MAGI3: variants seen among roughly 807,000 people sequenced by gnomAD.
The protein encoded by MAGI3 is membrane associated guanylate kinase, WW and PDZ domain containing 3.
MAGI3 carries 43 observed loss-of-function variants against 121.8 expected under a neutral mutation model. The ratio of observed to expected loss-of-function variants is 0.35; its 90% CI spans 0.28 to 0.46. The LOEUF (loss-of-function observed/expected upper bound fraction) is 0.46. MAGI3 is among the 20% of genes least tolerant of loss of function. MAGI3 has a pLI of 1.00. For missense variants in MAGI3, 1,547 were observed against 1,797.3 expected, an observed-to-expected ratio of 0.86 and a Z score of 2.52; for synonymous variants, 553 against 639.3, an observed-to-expected ratio of 0.86 and a Z score of 2.04.
chr1:113,528,887 G>C (rs1444780695), intron 1 of MAGI3, among the ~76,000 whole-genome samples: 1 of 152,184 alleles, frequency 6.6e-6, no homozygotes, highest in Non-Finnish European at 1.5e-5. Context: ...CAATAAGAAT[G>C]TAAGTCAGAA....
intron 1 of MAGI3, among the ~76,000 whole-genome samples, chr1:113,440,590 A>C (rs955498728): frequency 3.3e-5 from 5 of 152,200 alleles, no homozygotes; most frequent in Admixed American, 2.6e-4. Flanking sequence ...TCTTGCCATT[A>C]TCTAAGCTGT....
At chr1:113,416,872 G>A (rs2101365876) in intron 1 of MAGI3, among the ~76,000 whole-genome samples, 1 of 151,968 alleles carries the variant, frequency 6.6e-6, no homozygotes, top group South Asian at 2.1e-4. Flanking sequence ...TATTTATTAA[G>A]AAAGTATTTG....
At chr1:113,407,232 C>T (rs1651728704) in intron 1 of MAGI3, among the ~76,000 whole-genome samples, 1 of 152,062 alleles carries the variant, frequency 6.6e-6, no homozygotes. Flanking sequence ...AAGGGAAACC[C>T]TTTAGTTTGG....
intron 1 of MAGI3, among the ~76,000 whole-genome samples, chr1:113,407,024 A>G (rs1365576162): frequency 6.6e-6 from 1 of 152,182 alleles, no homozygotes; most frequent in East Asian, 1.9e-4. Flanking sequence ...TATGGCTGGC[A>G]CCAACTAAAT....
chr1:113,635,337 A>G (rs1651933466), intron 9 of MAGI3, among the ~76,000 whole-genome samples: 1 of 152,180 alleles, frequency 6.6e-6, no homozygotes, highest in African/African-American at 2.4e-5. Context: ...GTTTTTGCCC[A>G]TTCAGTATGA....
At chr1:113,626,184 C>T (rs553781764) in intron 9 of MAGI3, among the ~76,000 whole-genome samples, 36 of 152,054 alleles carry the variant, frequency 2.4e-4, no homozygotes, top group Non-Finnish European at 4.9e-4. Context: ...AGGCTGGTCT[C>T]GAATTCTTGA....
intron 2 of MAGI3, among the ~76,000 whole-genome samples, chr1:113,567,588 C>T (rs563186358): frequency 2.0e-5 from 3 of 152,154 alleles, no homozygotes; most frequent in Non-Finnish European, 4.4e-5. Flanking sequence ...AAATTTATGC[C>T]TGGAATGCAA....
intron 6 of MAGI3, among the ~76,000 whole-genome samples, chr1:113,609,165 C>G (rs554239250): frequency 6.6e-6 from 1 of 152,270 alleles, no homozygotes; most frequent in African/African-American, 2.4e-5. Context: ...TGTCTCCCCA[C>G]GTAATAGCCC....
chr1:113,629,729 C>CCT (rs374062732), intron 9 of MAGI3, among the ~76,000 whole-genome samples: 26 of 112,014 alleles, frequency 2.3e-4, no homozygotes, highest in African/African-American at 8.8e-4. Flanking sequence ...AGTCAGTCTC[C>CCT]CTCTCTCTCT....
chr1:113,522,511 G>T (rs1658248399), intron 1 of MAGI3, among the ~76,000 whole-genome samples: 1 of 152,126 alleles, frequency 6.6e-6, no homozygotes, highest in Non-Finnish European at 1.5e-5. Context: ...GTGACTTTGG[G>T]TAAGTTACTT....
chr1:113,608,152 G>A (rs770170422), intron 6 of MAGI3, among the ~76,000 whole-genome samples: 4 of 151,966 alleles, frequency 2.6e-5, no homozygotes, highest in Non-Finnish European at 4.4e-5. Context: ...CACACTCAGA[G>A]CAATGATTTT....
intron 1 of MAGI3, among the ~76,000 whole-genome samples, chr1:113,531,730 G>C (rs1658734911): frequency 6.7e-6 from 1 of 149,314 alleles, no homozygotes; most frequent in Admixed American, 6.7e-5. Flanking sequence ...GGGTCGGGTG[G>C]GGGGCTGGGG....
intron 2 of MAGI3, among the ~76,000 whole-genome samples, chr1:113,575,928 G>A (rs770001100): frequency 2.6e-5 from 4 of 152,146 alleles, no homozygotes; most frequent in South Asian, 2.1e-4. Flanking sequence ...GGCCACAGCC[G>A]TTTTTCTGCG....
At chr1:113,580,473 C>A in intron 2 of MAGI3, 69 bp from the exon 3 acceptor site, 3 of 1,437,926 alleles carry the variant, frequency 2.1e-6, no homozygotes, top group Non-Finnish European at 2.8e-6. Context: ...ACTGAATATT[C>A]TTTTACTTTG....
intron 2 of MAGI3, among the ~76,000 whole-genome samples, chr1:113,571,882 T>C (rs957447553): frequency 1.3e-5 from 2 of 152,212 alleles, no homozygotes; most frequent in Non-Finnish European, 2.9e-5. Flanking sequence ...GAATACCCTT[T>C]ATTTCTTTCT....
chr1:113,558,964 A>G (rs1196553496), intron 2 of MAGI3, among the ~76,000 whole-genome samples: 1 of 152,224 alleles, frequency 6.6e-6, no homozygotes, highest in Non-Finnish European at 1.5e-5. Context: ...TCATAAGCAA[A>G]GGAGAATTAA....
Position 113,517,864 on chromosome 1 carries a change from A to G in MAGI3, c.317-31651A>G, listed in dbSNP as rs542151233. Among the ~76,000 whole-genome samples, 61 of 151,532 alleles carry G rather than the reference A, an allele frequency of 4.0e-4. 3 individuals carry two copies. In the South Asian group the frequency reaches 0.012, roughly 30 times the overall value. On this transcript the variant is annotated intron_variant, in intron 1 of 20. Transcript: ENST00000307546. ...ACTGAATATGTGGGAGTCATCCTAG[A>G]TTCCCTCTACCTTAAGGCCTGAATT...
intron 9 of MAGI3, among the ~76,000 whole-genome samples, chr1:113,635,225 T>C (rs1254657327): frequency 6.6e-6 from 1 of 152,210 alleles, no homozygotes; most frequent in Non-Finnish European, 1.5e-5. Flanking sequence ...TATTTCCTTC[T>C]CCTGCCTAAC....
chr1:113,558,824 G>A (rs1660099852), intron 2 of MAGI3, among the ~76,000 whole-genome samples: 2 of 152,126 alleles, frequency 1.3e-5, no homozygotes, highest in African/African-American at 4.8e-5. Context: ...AGAAAGGCCA[G>A]GTCACATACA....
Sources: allele counts gnomAD v4.1 joint callset (sites outside exome capture counted in the v4.1 genomes callset), GRCh38; gene constraint gnomAD v4.1.1; transcripts MANE v1.5; gene names NCBI Gene and HGNC (gene_info 2026-07-23, HGNC 2026-07-21).